Variants in PPARGC1A observed in about 807,000 individuals in gnomAD.
PPARGC1A encodes PPARG coactivator 1 alpha.
A neutral mutation model predicts 88.7 loss-of-function variants in PPARGC1A; 25 were observed. That is an observed-to-expected ratio of 0.28 (90% confidence interval 0.21 to 0.39). The LOEUF (loss-of-function observed/expected upper bound fraction) is 0.39, where lower values mean the gene tolerates loss of function less well. PPARGC1A is among the 10% of genes least tolerant of loss of function. The pLI is 1.00. For missense variants in PPARGC1A, 880 were observed against 968.7 expected (o/e 0.91, Z 1.22); for synonymous variants, 363 against 355.6 (o/e 1.02, Z -0.24).
chr4:23,882,355 T>A (rs1397824683), intron 2 of PPARGC1A, among the ~76,000 whole-genome samples: 2 of 152,214 alleles, frequency 1.3e-5, no homozygotes, highest in African/African-American at 2.4e-5. Flanking sequence ...TAATCATTAG[T>A]AATTTATAAA....
At chr4:23,934,030 T>A in the PPARGC1A span, among the ~76,000 whole-genome samples, 3 of 152,200 alleles carry the variant, frequency 2.0e-5, no homozygotes, top group African/African-American at 7.2e-5. Flanking sequence ...AAGGTCTCAC[T>A]TGATGCCCAA....
chr4:24,029,005 C>A, the PPARGC1A span, among the ~76,000 whole-genome samples: 5 of 152,134 alleles, frequency 3.3e-5, no homozygotes, highest in African/African-American at 1.2e-4. Context: ...TCCTTTCCCA[C>A]AAATAGTTAG....
At chr4:24,080,691 C>T in the PPARGC1A span, among the ~76,000 whole-genome samples, 1 of 152,070 alleles carries the variant, frequency 6.6e-6, no homozygotes, top group Non-Finnish European at 1.5e-5. Flanking sequence ...TATATTATTT[C>T]CTTCCATCTT....
the PPARGC1A span, among the ~76,000 whole-genome samples, chr4:23,938,492 TAG>T: frequency 6.6e-6 from 1 of 152,046 alleles, no homozygotes; most frequent in African/African-American, 2.4e-5. Flanking sequence ...GAGCATGCAG[TAG>T]AGAGAGAAAA....
the PPARGC1A span, among the ~76,000 whole-genome samples, chr4:24,120,358 A>G: frequency 6.6e-6 from 1 of 152,164 alleles, no homozygotes; most frequent in Non-Finnish European, 1.5e-5. Context: ...CAGAAAGACA[A>G]TAACTCTGCA....
the PPARGC1A span, among the ~76,000 whole-genome samples, chr4:24,105,700 C>T: frequency 1.3e-5 from 2 of 151,946 alleles, no homozygotes; most frequent in South Asian, 2.1e-4. Context: ...GTGGTGGAAC[C>T]AGGAAATCCC....
chr4:23,895,457 A>C (rs1467793569), intron 1 of PPARGC1A, among the ~76,000 whole-genome samples: 1 of 151,848 alleles, frequency 6.6e-6, no homozygotes, highest in Non-Finnish European at 1.5e-5. Context: ...TGATATGTAT[A>C]TACATATATC....
chr4:24,137,113 CAAAA>C, the PPARGC1A span, among the ~76,000 whole-genome samples: 2 of 82,098 alleles, frequency 2.4e-5, no homozygotes. Flanking sequence ...GACTCTGTCT[CAAAA>C]AAAAAAAAAA....
At chr4:24,114,042 T>G in the PPARGC1A span, among the ~76,000 whole-genome samples, 3 of 147,172 alleles carry the variant, frequency 2.0e-5, no homozygotes, top group Non-Finnish European at 4.4e-5. Context: ...GAGAATCTCT[T>G]GAACCCAGGA....
the PPARGC1A span, among the ~76,000 whole-genome samples, chr4:24,456,711 G>C: frequency 6.6e-6 from 1 of 151,910 alleles, no homozygotes; most frequent in Non-Finnish European, 1.5e-5. Context: ...GCTAAAAGGA[G>C]TCAGGGGAAA....
the PPARGC1A span, among the ~76,000 whole-genome samples, chr4:24,458,955 G>A: frequency 6.6e-6 from 1 of 152,008 alleles, no homozygotes; most frequent in Non-Finnish European, 1.5e-5. Flanking sequence ...CAAAATATCT[G>A]TGATTATCTC....
the PPARGC1A span, among the ~76,000 whole-genome samples, chr4:24,404,571 A>G: frequency 9.2e-5 from 14 of 151,682 alleles, no homozygotes; most frequent in South Asian, 1.3e-3. Context: ...TGTCCCCAGT[A>G]TAAGGTACTA....
chr4:23,833,916 G>A (rs533784875), intron 2 of PPARGC1A, among the ~76,000 whole-genome samples: 32 of 152,294 alleles, frequency 2.1e-4, no homozygotes, highest in African/African-American at 7.2e-4. Flanking sequence ...TGTAATCCTA[G>A]CACTTTGGGA....
At chr4:24,380,649 G>A in the PPARGC1A span, among the ~76,000 whole-genome samples, 4 of 152,074 alleles carry the variant, frequency 2.6e-5, no homozygotes, top group Admixed American at 6.6e-5. Context: ...AGATTCTGAC[G>A]GGTTTAACCC....
the PPARGC1A span, among the ~76,000 whole-genome samples, chr4:24,247,255 A>G: frequency 6.6e-6 from 1 of 152,152 alleles, no homozygotes; most frequent in Non-Finnish European, 1.5e-5. Flanking sequence ...GAGGCTCTAC[A>G]AAAGGGGAAA....
the PPARGC1A span, among the ~76,000 whole-genome samples, chr4:24,417,029 CA>C: frequency 9.0e-4 from 112 of 123,768 alleles, no homozygotes; most frequent in East Asian, 1.5e-3. Context: ...GATTCCATCT[CA>C]AAAAAAAAAA....
the PPARGC1A span, among the ~76,000 whole-genome samples, chr4:24,025,863 A>G: frequency 3.3e-5 from 5 of 151,186 alleles, no homozygotes; most frequent in African/African-American, 4.9e-5. Context: ...GAGGAGGAGG[A>G]AAAAAAAATG....
the PPARGC1A span, among the ~76,000 whole-genome samples, chr4:24,350,557 C>T: frequency 4.6e-5 from 7 of 152,086 alleles, no homozygotes; most frequent in Non-Finnish European, 7.4e-5. Context: ...ACCTACTGAA[C>T]GCATAAAACT....
chr4:24,375,214 G>A, the PPARGC1A span, among the ~76,000 whole-genome samples: 1 of 151,968 alleles, frequency 6.6e-6, no homozygotes, highest in Non-Finnish European at 1.5e-5. Context: ...GGTTGAGTTG[G>A]GTGAAGGTTA....
Sources: gnomAD v4.1 joint callset for allele counts (sites outside exome capture counted in the v4.1 genomes callset) on GRCh38, gnomAD v4.1.1 for gene constraint, MANE v1.5 for transcripts, NCBI Gene and HGNC (gene_info 2026-07-23, HGNC 2026-07-21) for gene names.